The following MEIS2 variants were observed in gnomAD, a reference collection of about 807,000 sequenced individuals.
MEIS2 encodes Meis homeobox 2.
In MEIS2, 9 loss-of-function variants were observed where a neutral mutation model predicts 58.6. The observed-to-expected ratio is 0.15, with a 90% CI of 0.09 to 0.27. MEIS2 has a LOEUF of 0.27. Ranked by LOEUF, MEIS2 falls within the 10% of genes least tolerant of loss-of-function variation. The pLI is 1.00. For synonymous variants in MEIS2, 221 were observed against 228.4 expected (o/e 0.97, Z 0.29); for missense variants, 427 against 635.0 (o/e 0.67, Z 3.52).
At chr15:37,076,186 T>C (rs900061072) in intron 7 of MEIS2, among the ~76,000 whole-genome samples, 15 of 151,952 alleles carry the variant, frequency 9.9e-5, no homozygotes, top group Non-Finnish European at 2.1e-4. Context: ...GTGATTCTCC[T>C]ACTACCCTCC....
At chr15:37,061,100 A>T (rs901760961) in intron 7 of MEIS2, among the ~76,000 whole-genome samples, 13 of 152,186 alleles carry the variant, frequency 8.5e-5, no homozygotes, top group Non-Finnish European at 2.9e-5. Context: ...CGGCTACCCA[A>T]GGCTGCATTT....
At position 37,051,857 on chromosome 15, in the gene MEIS2, T is replaced by C. The variant is rs539308976; in HGVS notation, c.755-14898A>G. On this transcript the variant is annotated intron_variant, in intron 7 of 11. Coordinates refer to ENST00000561208, the MANE Select transcript of MEIS2 (RefSeq NM_170675.5). The stretch of plus-strand genomic sequence containing the variant: ...GAATGTGTTGATTTATATAATTTTC[T>C]TTAACTTCATAAAGATGTAAGGTGG... Among the ~76,000 whole-genome samples the C allele has an allele frequency of 5.3e-5, 8 of 152,314 alleles. No individual in the cohort carries two copies. The South Asian group carries it at 1.2e-3, about 24-fold the overall frequency.
At chr15:36,994,184 A>G (rs538560601) in intron 8 of MEIS2, among the ~76,000 whole-genome samples, 1 of 152,254 alleles carries the variant, frequency 6.6e-6, no homozygotes, top group South Asian at 2.1e-4. Context: ...GTATAAATAT[A>G]CTGTAGACTC....
At chr15:36,927,016 C>T (rs190567694) in intron 9 of MEIS2, among the ~76,000 whole-genome samples, 27 of 152,288 alleles carry the variant, frequency 1.8e-4, no homozygotes, top group East Asian at 1.7e-3. Context: ...AAGGGAAACA[C>T]GAACCAGGTT....
chr15:36,917,884 A>T (rs964881913), intron 9 of MEIS2, among the ~76,000 whole-genome samples: 1 of 152,216 alleles, frequency 6.6e-6, no homozygotes, highest in African/African-American at 2.4e-5. Context: ...TGCTTATCTC[A>T]TCTCTATTTC....
chr15:37,013,163 A>T (rs900671744), intron 8 of MEIS2, among the ~76,000 whole-genome samples: 1 of 152,198 alleles, frequency 6.6e-6, no homozygotes, highest in African/African-American at 2.4e-5. Flanking sequence ...AGAGTGCCAG[A>T]TGGCACCTTA....
intron 6 of MEIS2, among the ~76,000 whole-genome samples, chr15:37,084,469 T>C (rs1892635713): frequency 6.6e-6 from 1 of 152,168 alleles, no homozygotes; most frequent in African/African-American, 2.4e-5. Context: ...ACAAAGGTAA[T>C]GATATTAATC....
At chr15:37,008,902 G>C (rs1193657599) in intron 8 of MEIS2, among the ~76,000 whole-genome samples, 1 of 152,190 alleles carries the variant, frequency 6.6e-6, no homozygotes, top group East Asian at 1.9e-4. Context: ...CCCTAAACCA[G>C]TAAACATATC....
rs1595670347 is a variant in MEIS2 at position 36,896,716 on chromosome 15, A to T, written c.978-30T>A. ...AAGAGAACAGAGAAGTCCAGTCATC[A>T]TACTCCGTTTCTGTACTCTGCGAAC... On this transcript the variant is annotated intron_variant, in intron 9 of 11. Coordinates refer to ENST00000561208, the MANE Select transcript of MEIS2 (RefSeq NM_170675.5). The T allele has an allele frequency of 9.4e-6, 15 of 1,593,596 alleles. No individual in the cohort carries two copies. The East Asian group carries it at 3.3e-4, about 36-fold the overall frequency.
chr15:37,097,446 T>G (rs979704567), intron 2 of MEIS2: 1 of 153,008 alleles, frequency 6.5e-6, no homozygotes, highest in Non-Finnish European at 1.5e-5. Flanking sequence ...CCCCTTTATT[T>G]ACAGAGAATT....
In MEIS2 at chr15:36,911,158, T is replaced by G. The variant is rs1189106215; in HGVS notation, c.978-14472A>C. ...TTTCCTTTCCTTACTTTTCTCATATTTTTCCTACTCAATGAAATATTTTTA... is the reference window on the plus strand; with the variant it reads ...TTTCCTTTCCTTACTTTTCTCATATGTTTCCTACTCAATGAAATATTTTTA... On this transcript the variant is annotated intron_variant, in intron 9 of 11. Transcript: ENST00000561208. Among the ~76,000 whole-genome samples the G allele has an allele frequency of 2.6e-5, 4 of 152,256 alleles. No individual in the cohort carries two copies. The East Asian group carries it at 7.7e-4, about 29-fold the overall frequency.
chr15:37,065,445 A>C (rs528322204), intron 7 of MEIS2, among the ~76,000 whole-genome samples: 2 of 152,282 alleles, frequency 1.3e-5, no homozygotes, highest in African/African-American at 4.8e-5. Flanking sequence ...AATACTGAGG[A>C]TACCTTTAAG....
chr15:36,909,407 G>T (rs572341083), intron 9 of MEIS2, among the ~76,000 whole-genome samples: 1 of 152,284 alleles, frequency 6.6e-6, no homozygotes, highest in African/African-American at 2.4e-5. Context: ...AACTAAATGA[G>T]TGAATGAAAA....
At chr15:36,950,431 G>T (rs2058714704) in intron 8 of MEIS2, 31 bp from the exon 9 acceptor site, 1 of 1,592,724 alleles carries the variant, frequency 6.3e-7, no homozygotes, top group African/African-American at 1.3e-5. Context: ...TTAAAAGATG[G>T]ATCAGAAGTT....
intron 8 of MEIS2, among the ~76,000 whole-genome samples, chr15:36,980,610 G>A (rs2059901050): frequency 6.6e-6 from 1 of 152,116 alleles, no homozygotes; most frequent in Non-Finnish European, 1.5e-5. Flanking sequence ...GGGAATTCAA[G>A]ATGAGATTTG....
chr15:37,009,340 C>T (rs115281381), intron 8 of MEIS2, among the ~76,000 whole-genome samples: 5,218 of 152,196 alleles, frequency 0.034, 287 homozygotes, highest in African/African-American at 0.12. Flanking sequence ...AGCATAAACC[C>T]AATATAAATT....
At chr15:36,933,954 T>C (rs1256062747) in intron 9 of MEIS2, among the ~76,000 whole-genome samples, 1 of 152,210 alleles carries the variant, frequency 6.6e-6, no homozygotes, top group African/African-American at 2.4e-5. Flanking sequence ...TTAACATTTC[T>C]TTTATTTTTC....
At chr15:37,082,775 A>G (rs1892402958) in intron 7 of MEIS2, among the ~76,000 whole-genome samples, 1 of 152,170 alleles carries the variant, frequency 6.6e-6, no homozygotes, top group Non-Finnish European at 1.5e-5. Context: ...CTAGAACCTC[A>G]GAAATCCAAA....
At chr15:36,929,719 T>C (rs3107674) in intron 9 of MEIS2, among the ~76,000 whole-genome samples, 18,917 of 152,134 alleles carry the variant, frequency 0.12, 1,519 homozygotes, top group African/African-American at 0.22. Context: ...GGTAGATGCT[T>C]AAGGAACATT....
Sources: gnomAD v4.1 joint callset for allele counts (sites outside exome capture counted in the v4.1 genomes callset) on GRCh38, gnomAD v4.1.1 for gene constraint, MANE v1.5 for transcripts, NCBI Gene and HGNC (gene_info 2026-07-23, HGNC 2026-07-21) for gene names.